ADGRL2: variants seen among roughly 807,000 people sequenced by gnomAD.
ADGRL2 encodes the protein adhesion G protein-coupled receptor L2, also known as calcium-independent alpha-latrotoxin receptor 2.
A neutral mutation model predicts 157.4 loss-of-function variants in ADGRL2; 44 were observed. The ratio of observed to expected loss-of-function variants is 0.28; its 90% CI spans 0.22 to 0.36. The LOEUF is 0.36. Among genes scored for constraint, ADGRL2 ranks in the 10% least tolerant of loss-of-function variants. ADGRL2 has a pLI of 1.00. For synonymous variants in ADGRL2, 585 were observed against 624.7 expected (o/e 0.94, Z 0.95); for missense variants, 1,510 against 1,768.9 (o/e 0.85, Z 2.63).
At chr1:81,430,866 GTATT>G (rs1337059814) in intron 1 of ADGRL2, among the ~76,000 whole-genome samples, 1 of 152,062 alleles carries the variant, frequency 6.6e-6, no homozygotes, top group Non-Finnish European at 1.5e-5. Flanking sequence ...GCACTCCCAA[GTATT>G]TATTTGATTT....
At chr1:81,501,713 G>A in intron 2 of ADGRL2, 1 of 1,601,542 alleles carries the variant, frequency 6.2e-7, no homozygotes, top group South Asian at 1.1e-5. Flanking sequence ...AGTGTGCCTG[G>A]TGGGCTGTGC....
chr1:81,328,397 A>C (rs1466934748), intron 1 of ADGRL2, among the ~76,000 whole-genome samples: 1 of 152,092 alleles, frequency 6.6e-6, no homozygotes, highest in Non-Finnish European at 1.5e-5. Flanking sequence ...TACCCACTAA[A>C]AATAAAACCT....
chr1:81,730,671 C>T (rs1173916168), intron 1 of ADGRL2, among the ~76,000 whole-genome samples: 3 of 151,542 alleles, frequency 2.0e-5, no homozygotes, highest in East Asian at 3.9e-4. Flanking sequence ...TGCAGTGAAC[C>T]GAGATTGTGC....
intron 2 of ADGRL2, among the ~76,000 whole-genome samples, chr1:81,460,217 T>C (rs2077897618): frequency 6.6e-6 from 1 of 151,858 alleles, no homozygotes; most frequent in Non-Finnish European, 1.5e-5. Context: ...CCCATTTGCC[T>C]ATTTTTATTT....
chr1:81,746,977 C>T (rs2085283305), intron 1 of ADGRL2, among the ~76,000 whole-genome samples: 1 of 147,368 alleles, frequency 6.8e-6, no homozygotes, highest in South Asian at 2.1e-4. Context: ...CACGTATACA[C>T]ACGTGTGTAT....
chr1:81,781,782 C>T (rs541227388), intron 2 of ADGRL2, among the ~76,000 whole-genome samples: 4 of 152,254 alleles, frequency 2.6e-5, no homozygotes, highest in East Asian at 3.9e-4. Flanking sequence ...CACACAATTG[C>T]CAGGGACACT....
At chr1:81,625,153 C>T (rs1459773095) in intron 3 of ADGRL2, among the ~76,000 whole-genome samples, 1 of 152,110 alleles carries the variant, frequency 6.6e-6, no homozygotes, top group East Asian at 1.9e-4. Context: ...GAAAAAGCTC[C>T]TTCAGTGTAA....
At chr1:81,972,219 G>A (rs1658962982) in intron 17 of ADGRL2, among the ~76,000 whole-genome samples, 2 of 152,042 alleles carry the variant, frequency 1.3e-5, no homozygotes, top group South Asian at 4.2e-4. Context: ...GAATATGTCA[G>A]AAAAGTGAAA....
intron 1 of ADGRL2, among the ~76,000 whole-genome samples, chr1:81,743,039 G>A (rs1004571323): frequency 6.6e-6 from 1 of 151,830 alleles, no homozygotes; most frequent in East Asian, 1.9e-4. Flanking sequence ...TTAAGGCACC[G>A]TTCTTGCAAA....
At chr1:81,773,357 A>G (rs9324189) in intron 2 of ADGRL2, among the ~76,000 whole-genome samples, 98,689 of 152,030 alleles carry the variant, frequency 0.65, 32,776 homozygotes, top group East Asian at 0.97. Flanking sequence ...CATGCTGATA[A>G]TCATAGAAGA....
intron 1 of ADGRL2, among the ~76,000 whole-genome samples, chr1:81,381,570 C>A (rs942520490): frequency 2.0e-5 from 3 of 151,768 alleles, no homozygotes; most frequent in African/African-American, 4.8e-5. Flanking sequence ...AAGATTTTGT[C>A]TCAAAGGAAA....
At chr1:81,688,325 T>C (rs563462520) in intron 3 of ADGRL2, among the ~76,000 whole-genome samples, 52 of 152,222 alleles carry the variant, frequency 3.4e-4, no homozygotes, top group African/African-American at 1.2e-3. Flanking sequence ...GGTTTGGTCA[T>C]TTAACATAAT....
chr1:81,984,463 C>A, intron 19 of ADGRL2, 120 bp from the exon 20 acceptor site: 1 of 1,071,756 alleles, frequency 9.3e-7, no homozygotes. Context: ...TTTATTTTCT[C>A]CACGGATAAG....
intron 18 of ADGRL2, chr1:81,980,709 C>T: frequency 1.8e-6 from 1 of 550,356 alleles, no homozygotes; most frequent in South Asian, 3.0e-5. Context: ...AGCTTCATTG[C>T]ATGTTGCATG....
At chr1:81,663,846 G>T (rs1161121077) in intron 3 of ADGRL2, among the ~76,000 whole-genome samples, 2 of 152,164 alleles carry the variant, frequency 1.3e-5, no homozygotes, top group East Asian at 3.9e-4. Context: ...TGTTCTCACA[G>T]TACTTCTTGT....
chr1:81,748,989 T>G (rs1404655570), intron 1 of ADGRL2, among the ~76,000 whole-genome samples: 1 of 152,272 alleles, frequency 6.6e-6, no homozygotes, highest in East Asian at 1.9e-4. Context: ...CTAGGACATT[T>G]GAATTCTTCC....
rs553557415 is a variant in ADGRL2 at position 81,460,923 on chromosome 1, T to C, written c.-248+15834T>C. 8.5e-5 allele frequency among the ~76,000 whole-genome samples: 13 copies of C among 152,332 alleles called. No individual in the cohort carries two copies. The South Asian group carries it at 2.7e-3, about 32-fold the overall frequency. Reference sequence around the variant, plus strand: ...CTCTGTCAAGTGTACATTTTATATTTGTTTAAAGGAAACAGCAGTACTTAT... The same window carrying C: ...CTCTGTCAAGTGTACATTTTATATTCGTTTAAAGGAAACAGCAGTACTTAT... On this transcript the variant is annotated intron_variant, in intron 2 of 24. Coordinates refer to the ADGRL2 transcript ENST00000370721.
At chr1:81,346,964 C>T (rs1255666011) in intron 1 of ADGRL2, among the ~76,000 whole-genome samples, 1 of 152,012 alleles carries the variant, frequency 6.6e-6, no homozygotes, top group African/African-American at 2.4e-5. Context: ...CCTAGATTTC[C>T]CTGAAGCTAC....
intron 2 of ADGRL2, among the ~76,000 whole-genome samples, chr1:81,904,464 A>G (rs2094548341): frequency 6.6e-6 from 1 of 152,196 alleles, no homozygotes; most frequent in Non-Finnish European, 1.5e-5. Context: ...AAAGAGTTTT[A>G]TTTAGCTTAT....
Sources: gnomAD v4.1 joint callset for allele counts (sites outside exome capture counted in the v4.1 genomes callset) on GRCh38, gnomAD v4.1.1 for gene constraint, MANE v1.5 for transcripts, NCBI Gene and HGNC (gene_info 2026-07-23, HGNC 2026-07-21) for gene names.